FHIP1A: variants seen among roughly 807,000 people sequenced by gnomAD.
FHIP1A encodes FHF complex subunit HOOK interacting protein 1A.
A neutral mutation model predicts 88.6 loss-of-function variants in FHIP1A; 61 were observed. That is an observed-to-expected ratio of 0.69 (90% confidence interval 0.56 to 0.85). FHIP1A has a LOEUF of 0.85. Among genes scored for constraint, FHIP1A ranks in the 40% least tolerant of loss-of-function variants. FHIP1A has a pLI of 0.00. For missense variants in FHIP1A, 1,154 were observed against 1,273.5 expected (o/e 0.91, Z 1.43); for synonymous variants, 478 against 496.0 (o/e 0.96, Z 0.48).
At chr4:151,624,836 G>A (rs1262049446) in intron 7 of FHIP1A, among the ~76,000 whole-genome samples, 1 of 152,096 alleles carries the variant, frequency 6.6e-6, no homozygotes, top group Non-Finnish European at 1.5e-5. Context: ...GGAGGGAGCC[G>A]GAATCATCAA....
chr4:151,518,091 C>G (rs760411386), intron 3 of FHIP1A, among the ~76,000 whole-genome samples: 2 of 152,196 alleles, frequency 1.3e-5, no homozygotes, highest in Non-Finnish European at 2.9e-5. Context: ...CATTCACTCA[C>G]CACTCACTGA....
intron 7 of FHIP1A, among the ~76,000 whole-genome samples, chr4:151,610,965 A>G (rs1173094415): frequency 2.0e-5 from 3 of 152,194 alleles, no homozygotes; most frequent in African/African-American, 7.2e-5. Context: ...AAATGTTATA[A>G]TATATAGCAG....
In FHIP1A at chr4:151,656,092, G is replaced by A. The variant is rs1473350442; in HGVS notation, c.2552-140G>A. Reference sequence around the variant, plus strand: ...TTTTGGTTTTGAGGCAGGAGAAAACGTGGCCATATTTGCTGTGTCTGGCTT... The same window carrying A: ...TTTTGGTTTTGAGGCAGGAGAAAACATGGCCATATTTGCTGTGTCTGGCTT... On this transcript the variant is annotated intron_variant, in intron 11 of 13. Coordinates refer to ENST00000435205, the MANE Select transcript of FHIP1A (RefSeq NM_001109977.3). This position sits in a 1 kb window ranked among gnomAD's most constrained non-coding sequence, Gnocchi z 4.2. 1.1e-5 allele frequency: 6 copies of A among 569,994 alleles called. No individual in the cohort carries two copies. Among genetic ancestry groups the A allele is most frequent in the African/African-American group, 5.6e-5 (3 of 53,144 alleles). 35.3% of individuals were successfully genotyped at this position (569,994 alleles called of 1,614,324 possible).
intron 3 of FHIP1A, among the ~76,000 whole-genome samples, chr4:151,533,861 G>T (rs1731972553): frequency 6.6e-6 from 1 of 152,206 alleles, no homozygotes; most frequent in Non-Finnish European, 1.5e-5. Flanking sequence ...CTTCATGCCT[G>T]TGTCTAATGC....
intron 7 of FHIP1A, among the ~76,000 whole-genome samples, chr4:151,610,230 G>A (rs1185001138): frequency 6.6e-6 from 1 of 152,186 alleles, no homozygotes; most frequent in African/African-American, 2.4e-5. Flanking sequence ...CTTTAAAATG[G>A]TGCCTGGAAC....
intron 2 of FHIP1A, among the ~76,000 whole-genome samples, chr4:151,458,092 G>C (rs1447680176): frequency 6.6e-6 from 1 of 152,176 alleles, no homozygotes; most frequent in Non-Finnish European, 1.5e-5. Context: ...AAAGGTAAAT[G>C]TTATTATTAT....
At chr4:151,649,412 T>C (rs1055765574) in intron 10 of FHIP1A, 47 bp from the exon 11 acceptor site, 15 of 1,415,642 alleles carry the variant, frequency 1.1e-5, no homozygotes, top group African/African-American at 1.4e-5. Flanking sequence ...CCACTACCTT[T>C]GTCCCCACAC....
intron 2 of FHIP1A, among the ~76,000 whole-genome samples, chr4:151,478,495 C>G (rs1729786671): frequency 6.6e-6 from 1 of 152,082 alleles, no homozygotes; most frequent in South Asian, 2.1e-4. Context: ...AGAGGGCGGT[C>G]ATCTCATTAT....
intron 3 of FHIP1A, among the ~76,000 whole-genome samples, chr4:151,484,098 T>C (rs1466593448): frequency 6.6e-6 from 1 of 152,158 alleles, no homozygotes; most frequent in Non-Finnish European, 1.5e-5. Context: ...TTACAGGGCT[T>C]TTCCCAGTTA....
chr4:151,493,462 A>T (rs548408517), intron 3 of FHIP1A, among the ~76,000 whole-genome samples: 2 of 152,308 alleles, frequency 1.3e-5, no homozygotes, highest in South Asian at 4.1e-4. Context: ...ATCCTCCCTA[A>T]ATCATTCTGT....
At chr4:151,585,800 G>C (rs1734188233) in intron 5 of FHIP1A, among the ~76,000 whole-genome samples, 1 of 152,110 alleles carries the variant, frequency 6.6e-6, no homozygotes, top group South Asian at 2.1e-4. Context: ...TTAAATTAAG[G>C]ACCAGAACAC....
At chr4:151,629,958 T>G in intron 8 of FHIP1A, 89 bp downstream of exon 8, 2 of 1,089,286 alleles carry the variant, frequency 1.8e-6, no homozygotes, top group Non-Finnish European at 2.6e-6. Flanking sequence ...GAATATTCTC[T>G]TTTGCTCTCC....
chr4:151,496,716 CTTTTT>C (rs58538673), intron 3 of FHIP1A, among the ~76,000 whole-genome samples: 1 of 102,472 alleles, frequency 9.8e-6, no homozygotes, highest in African/African-American at 4.0e-5. Flanking sequence ...CCACGTCCAG[CTTTTT>C]TTTTTTTTTT....
At chr4:151,524,663 G>A (rs990617182) in intron 3 of FHIP1A, among the ~76,000 whole-genome samples, 50 of 152,310 alleles carry the variant, frequency 3.3e-4, no homozygotes, top group African/African-American at 1.2e-3. Context: ...GTTAGATAAT[G>A]CAGAACTAAA....
In FHIP1A at chr4:151,556,421, T is replaced by C. The variant is rs1259478881; in HGVS notation, c.-122-9717T>C. 2.6e-5 allele frequency among the ~76,000 whole-genome samples: 4 copies of C among 152,320 alleles called. No homozygotes were observed. In the East Asian group the frequency reaches 7.7e-4, roughly 29 times the overall value. ...GTTTGTGTGCTATATTTGTGGGTTT[T>C]CAAAACATTTTAGAAACACAGACAT... On this transcript the variant is annotated intron_variant, in intron 3 of 13. Transcript: ENST00000435205.
chr4:151,594,771 C>T (rs1734584159), intron 7 of FHIP1A, among the ~76,000 whole-genome samples: 1 of 152,070 alleles, frequency 6.6e-6, no homozygotes, highest in South Asian at 2.1e-4. Context: ...GACAGGGTTT[C>T]ACCGTGTTAG....
In FHIP1A at chr4:151,660,402, AGAAT is replaced by A. The variant is rs199887040; in HGVS notation, c.2870-2090_2870-2087del. On this transcript the variant is annotated intron_variant, in intron 13 of 13. Coordinates refer to ENST00000435205, the MANE Select transcript of FHIP1A (RefSeq NM_001109977.3). ...ACAAAACCCCTTTTTAGGGGGGAAG[AGAAT>A]GAATGAATTTGGAAGAGAATGAATG... Among the ~76,000 whole-genome samples, 1,155 of 120,962 alleles carry A rather than the reference AGAAT, an allele frequency of 9.5e-3. 12 individuals are homozygous for A. The highest frequency in any genetic ancestry group is 0.034 in the African/African-American group (1,101 of 32,046). 79.4% of individuals were successfully genotyped at this position (120,962 alleles called of 152,430 possible). A position where few individuals can be genotyped will look rare whatever the true frequency, so the allele number is the denominator to read the frequency against.
At chr4:151,572,930 C>A (rs1733649425) in intron 4 of FHIP1A, among the ~76,000 whole-genome samples, 1 of 152,046 alleles carries the variant, frequency 6.6e-6, no homozygotes, top group Non-Finnish European at 1.5e-5. Context: ...TTATGTAGAG[C>A]CTTCATTTTG....
rs1737581019 is a variant in FHIP1A at position 151,664,248 on chromosome 4, G to A, written c.*1494G>A. Among the ~76,000 whole-genome samples, 1 of 152,220 alleles carries A rather than the reference G, an allele frequency of 6.6e-6. No individual in the cohort carries two copies. The highest frequency in any genetic ancestry group is 6.5e-5 in the Admixed American group (1 of 15,288). On this transcript the variant is annotated 3_prime_UTR_variant, in exon 14 of 14. Transcript: ENST00000435205. The stretch of plus-strand genomic sequence containing the variant: ...CTGGTGGTTGTGCCTCAGGAGCACT[G>A]GTTTGGTCTTAATCAGGCCTTTCAT...
Sources: allele counts gnomAD v4.1 joint callset (sites outside exome capture counted in the v4.1 genomes callset), GRCh38; gene constraint gnomAD v4.1.1; non-coding constraint Gnocchi (gnomAD v3.1); transcripts MANE v1.5; gene names NCBI Gene and HGNC (gene_info 2026-07-23, HGNC 2026-07-21).